Variants in TACR3 observed in about 807,000 individuals in gnomAD.
TACR3 encodes the protein tachykinin receptor 3.
In TACR3, 34 loss-of-function variants were observed where a neutral mutation model predicts 35.0. That is an observed-to-expected ratio of 0.97 (90% CI 0.74 to 1.30). TACR3 has a LOEUF of 1.30. Among genes scored for constraint, TACR3 ranks in the 50% most tolerant of loss-of-function variants. TACR3 has a pLI of 0.00. For synonymous variants in TACR3, 233 were observed against 221.1 expected (o/e 1.05, Z -0.48); for missense variants, 558 against 591.7 (o/e 0.94, Z 0.59).
intron 1 of TACR3, among the ~76,000 whole-genome samples, chr4:103,709,627 T>C (rs1487020602): frequency 6.6e-6 from 1 of 152,134 alleles, no homozygotes; most frequent in Non-Finnish European, 1.5e-5. Context: ...GCTAACATCA[T>C]AATGACAGGA....
chr4:103,717,997 T>C (rs1030558589), intron 1 of TACR3, among the ~76,000 whole-genome samples: 4 of 152,190 alleles, frequency 2.6e-5, no homozygotes, highest in Non-Finnish European at 5.9e-5. Context: ...AATTTAATCC[T>C]TTGAGCCTGG....
At chr4:103,635,963 C>T (rs1316909591) in intron 3 of TACR3, among the ~76,000 whole-genome samples, 2 of 151,568 alleles carry the variant, frequency 1.3e-5, no homozygotes, top group African/African-American at 4.8e-5. Context: ...GTCTCTCTCT[C>T]TTTCTCCCCC....
intron 1 of TACR3, among the ~76,000 whole-genome samples, chr4:103,702,900 G>A (rs1301847037): frequency 8.8e-6 from 1 of 113,982 alleles, no homozygotes; most frequent in Non-Finnish European, 1.7e-5. Flanking sequence ...GGGACCTGTT[G>A]TGGGGTGGGG....
intron 1 of TACR3, among the ~76,000 whole-genome samples, chr4:103,694,022 C>G (rs1193334874): frequency 6.6e-6 from 1 of 152,044 alleles, no homozygotes; most frequent in Non-Finnish European, 1.5e-5. Context: ...GTAATTATCT[C>G]ATATTATAAC....
At position 103,662,086 on chromosome 4, in the gene TACR3, T is replaced by C. The variant is rs910011590; in HGVS notation, c.549-3683A>G. Among the ~76,000 whole-genome samples the C allele has an allele frequency of 5.3e-5, 8 of 152,274 alleles. No individual in the cohort carries two copies. In the South Asian group the frequency reaches 1.7e-3, roughly 32 times the overall value. ...GAGAAAAATGTATTTAGATTGTACT[T>C]CAATTGTCCCTAAGAAAAGTCATTC... On this transcript the variant is annotated intron_variant, in intron 1 of 4. Coordinates refer to ENST00000304883, the MANE Select transcript of TACR3 (RefSeq NM_001059.3).
In TACR3 at chr4:103,618,564, C is replaced by CTTTTTTTTTT. The variant is rs57837921; in HGVS notation, c.889-26891_889-26882dup. Among the ~76,000 whole-genome samples the CTTTTTTTTTT allele has an allele frequency of 1.8e-4, 11 of 61,446 alleles. 2 individuals carry two copies. Among genetic ancestry groups the CTTTTTTTTTT allele is most frequent in the African/African-American group, 9.1e-4 (10 of 11,004 alleles). The allele number at this position is 61,446 out of a possible 152,430, so 40.3% of individuals were successfully genotyped here. ...CTTAGGATTGCTTTGGTGACTTGGG[C>CTTTTTTTTTT]TTTTTTTTTTTTTTTTTTTTTTTTT... is the stretch of plus-strand genomic sequence containing the variant. On this transcript the variant is annotated intron_variant, in intron 3 of 4. Transcript: ENST00000304883.
intron 3 of TACR3, among the ~76,000 whole-genome samples, chr4:103,653,824 C>G (rs1725674446): frequency 6.6e-6 from 1 of 151,532 alleles, no homozygotes; most frequent in African/African-American, 2.4e-5. Flanking sequence ...TATCCAGAAT[C>G]TACAATGAAC....
intron 1 of TACR3, among the ~76,000 whole-genome samples, chr4:103,675,931 C>T (rs1726160726): frequency 6.6e-6 from 1 of 152,156 alleles, no homozygotes. Flanking sequence ...CCCTCTTGCT[C>T]ATACCTTTTA....
intron 3 of TACR3, among the ~76,000 whole-genome samples, chr4:103,636,471 G>T (rs967870041): frequency 1.3e-5 from 2 of 151,792 alleles, no homozygotes; most frequent in African/African-American, 2.4e-5. Context: ...ATACATTTTG[G>T]TTGGCTTACC....
chr4:103,664,144 A>C lies in TACR3; in HGVS notation c.549-5741T>G, dbSNP rs556955367. Reference sequence around the variant, plus strand: ...CTTTATAGAAGCTGAAATTCTCAGAAGCATCTATTGAAAACTAATAGTTTT... The same window carrying C: ...CTTTATAGAAGCTGAAATTCTCAGACGCATCTATTGAAAACTAATAGTTTT... On this transcript the variant is annotated intron_variant, in intron 1 of 4. Coordinates refer to ENST00000304883, the MANE Select transcript of TACR3 (RefSeq NM_001059.3). Among the ~76,000 whole-genome samples the C allele has an allele frequency of 2.0e-5, 3 of 152,336 alleles. No individual in the cohort carries two copies. The South Asian group carries it at 6.2e-4, about 32-fold the overall frequency.
At chr4:103,627,959 T>G (rs904882235) in intron 3 of TACR3, among the ~76,000 whole-genome samples, 15 of 152,290 alleles carry the variant, frequency 9.8e-5, no homozygotes, top group African/African-American at 3.6e-4. Flanking sequence ...CAGACCACAG[T>G]GCAATCAAAT....
Position 103,589,045 on chromosome 4 carries a change from T to A in TACR3, c.*637A>T, listed in dbSNP as rs953748736. The stretch of plus-strand genomic sequence containing the variant: ...CAGAAAAAAAATCAAGAGAATGAAA[T>A]ATACATTTGCCTAATGATTTAACTA... On this transcript the variant is annotated 3_prime_UTR_variant, in exon 5 of 5. Transcript: ENST00000304883. 3 of 152,122 alleles carry A rather than the reference T, an allele frequency of 2.0e-5. No individual in the cohort carries two copies. The highest frequency in any genetic ancestry group is 7.2e-5 in the African/African-American group (3 of 41,452). 9.4% of individuals were successfully genotyped at this position (152,122 alleles called of 1,614,324 possible).
intron 3 of TACR3, among the ~76,000 whole-genome samples, chr4:103,609,107 T>C (rs141000707): frequency 3.3e-5 from 5 of 152,216 alleles, no homozygotes; most frequent in African/African-American, 1.2e-4. Flanking sequence ...AAATATGAAG[T>C]GTGTAATAGG....
chr4:103,611,059 G>A (rs1441117995), intron 3 of TACR3, among the ~76,000 whole-genome samples: 1 of 152,072 alleles, frequency 6.6e-6, no homozygotes, highest in Non-Finnish European at 1.5e-5. Flanking sequence ...GTAGTGTAAT[G>A]CCTCCAGCTT....
chr4:103,627,820 C>G (rs951346835), intron 3 of TACR3, among the ~76,000 whole-genome samples: 1 of 152,078 alleles, frequency 6.6e-6, no homozygotes, highest in Non-Finnish European at 1.5e-5. Flanking sequence ...TAACTCTCCA[C>G]CCCCATATCA....
intron 3 of TACR3, among the ~76,000 whole-genome samples, chr4:103,642,364 A>C (rs1725373066): frequency 8.2e-6 from 1 of 121,274 alleles, no homozygotes; most frequent in South Asian, 2.3e-4. Context: ...AAAAATAGAA[A>C]AAATGTTGCT....
chr4:103,656,101 A>C (rs1725728400), intron 3 of TACR3, 93 bp downstream of exon 3: 1 of 1,475,540 alleles, frequency 6.8e-7, no homozygotes, highest in Non-Finnish European at 9.5e-7. Context: ...AGAGCATCAG[A>C]TCATATTGTA....
chr4:103,602,463 G>C (rs1302598632), intron 3 of TACR3, among the ~76,000 whole-genome samples: 2 of 148,564 alleles, frequency 1.3e-5, no homozygotes, highest in Non-Finnish European at 3.0e-5. Flanking sequence ...GAGGTGCTCT[G>C]CTTTTTAGAG....
At chr4:103,706,950 C>T (rs966225182) in intron 1 of TACR3, among the ~76,000 whole-genome samples, 3 of 152,126 alleles carry the variant, frequency 2.0e-5, no homozygotes, top group Non-Finnish European at 4.4e-5. Context: ...AGAAAATATG[C>T]TTTATCCTTT....
Sources: allele counts gnomAD v4.1 joint callset (sites outside exome capture counted in the v4.1 genomes callset), GRCh38; gene constraint gnomAD v4.1.1; transcripts MANE v1.5; gene names NCBI Gene and HGNC (gene_info 2026-07-23, HGNC 2026-07-21).